The following MGAM2 variants were observed in gnomAD, a reference collection of about 807,000 sequenced individuals.
MGAM2 encodes probable maltase-glucoamylase 2.
MGAM2 carries 98 observed loss-of-function variants against 96.1 expected under a neutral mutation model. The observed-to-expected ratio is 1.02, with a 90% CI of 0.87 to 1.21. The LOEUF is 1.21. Ranked by LOEUF, MGAM2 falls within the 50% of genes most tolerant of loss-of-function variation. The probability of loss-of-function intolerance (pLI) is 0.00; values close to 1 mark genes in which losing one functional copy is unlikely to be tolerated. For missense variants in MGAM2, 2,055 were observed against 1,182.4 expected (o/e 1.74, Z -10.82); for synonymous variants, 749 against 414.8 (o/e 1.81, Z -9.79).
chr7:142,123,227 T>C (rs1275106821), intron 3 of MGAM2, among the ~76,000 whole-genome samples: 1 of 152,016 alleles, frequency 6.6e-6, no homozygotes, highest in Non-Finnish European at 1.5e-5. Context: ...AGTTTTCATC[T>C]AGAGATTTTT....
chr7:142,201,071 C>CTTTTTTTCTTTTT (rs1797209807), intron 45 of MGAM2, among the ~76,000 whole-genome samples: 1 of 84,382 alleles, frequency 1.2e-5, no homozygotes, highest in African/African-American at 5.3e-5. Context: ...CATCCTTTTT[C>CTTTTTTTCTTTTT]TTTTTTTTTT....
In MGAM2 at chr7:142,199,935, G is replaced by A; in HGVS notation, c.5104G>A (p.Gly1702Ser). 1 of 694,430 alleles carries A rather than the reference G, an allele frequency of 1.4e-6. No individual in the cohort carries two copies. Among genetic ancestry groups the A allele is most frequent in the Non-Finnish European group, 2.6e-6 (1 of 381,056 alleles). The allele number at this position is 694,430 out of a possible 1,614,324, so 43.0% of individuals were successfully genotyped here. A position where few individuals can be genotyped will look rare whatever the true frequency, so the allele number is the denominator to read the frequency against. Residue 1702 changes from glycine to serine, a missense_variant, in exon 45 of 48, where the codon GGC (glycine) becomes AGC (serine). By Grantham distance (56) the Gly-to-Ser change is moderately conservative. Coordinates refer to ENST00000477922, the MANE Select transcript of MGAM2 (RefSeq NM_001293626.2). The part of the protein sequence containing the change: ...VALDDNGTAE[G>S]QVFWDDGQSI... ...TTTGGATGACAATGGGACAGCTGAA[G>A]GCCAGGTGTTCTGGGATGATGGACA...
chr7:142,134,556 T>A (rs1794999755), intron 7 of MGAM2, among the ~76,000 whole-genome samples: 1 of 152,174 alleles, frequency 6.6e-6, no homozygotes, highest in Admixed American at 6.5e-5. Flanking sequence ...TTCATACTGT[T>A]CTAGGTGTTT....
At chr7:142,113,006 C>T (rs1192757312) in intron 1 of MGAM2, among the ~76,000 whole-genome samples, 1 of 152,166 alleles carries the variant, frequency 6.6e-6, no homozygotes, top group Admixed American at 6.5e-5. Context: ...TTCCTTACCT[C>T]TATTTCAATA....
intron 15 of MGAM2, among the ~76,000 whole-genome samples, chr7:142,149,371 C>A (rs571137049): frequency 6.6e-6 from 1 of 152,336 alleles, no homozygotes; most frequent in South Asian, 2.1e-4. Context: ...CTGGCCTCTT[C>A]TCTTTACAGT....
At chr7:142,139,810 A>T (rs1795167643) in intron 10 of MGAM2, among the ~76,000 whole-genome samples, 1 of 152,226 alleles carries the variant, frequency 6.6e-6, no homozygotes, top group South Asian at 2.1e-4. Flanking sequence ...CCTGTAAAAA[A>T]AAAAACAGAT....
chr7:142,199,952 T>C lies in MGAM2; in HGVS notation c.5121T>C (p.Asp1707=), dbSNP rs1391081704. ...NGTAEGQVFW[D]DGQSIDTYEN... ...CAGCTGAAGGCCAGGTGTTCTGGGA[T>C]GATGGACAAAGCATTGGTGAGTATA... The change falls in exon 45 of 48, where the codon GAT becomes GAC. Residue 1707 remains aspartate (D), a synonymous_variant. Transcript: ENST00000477922. 2.6e-5 allele frequency: 18 copies of C among 692,184 alleles called. No homozygotes were observed. The East Asian group carries it at 4.6e-4, about 18-fold the overall frequency. 42.9% of individuals were successfully genotyped at this position (692,184 alleles called of 1,614,324 possible). A position where few individuals can be genotyped will look rare whatever the true frequency, so the allele number is the denominator to read the frequency against.
At chr7:142,130,741 G>A (rs1470743766) in intron 3 of MGAM2, among the ~76,000 whole-genome samples, 34 of 152,150 alleles carry the variant, frequency 2.2e-4, no homozygotes, top group Admixed American at 2.2e-3. Context: ...TTATTTATCT[G>A]TATTATCAGT....
chr7:142,163,105 G>A (rs1403857332), intron 23 of MGAM2, among the ~76,000 whole-genome samples: 1 of 152,158 alleles, frequency 6.6e-6, no homozygotes, highest in African/African-American at 2.4e-5. Flanking sequence ...CAAGTTGTGT[G>A]TGACAACAGC....
chr7:142,116,065 G>T (rs1489298979), intron 1 of MGAM2, among the ~76,000 whole-genome samples: 1 of 152,112 alleles, frequency 6.6e-6, no homozygotes, highest in Non-Finnish European at 1.5e-5. Context: ...AATAATGTTA[G>T]ATTTACTATA....
chr7:142,118,059 T>G (rs1328688957), intron 2 of MGAM2, among the ~76,000 whole-genome samples: 1 of 152,158 alleles, frequency 6.6e-6, no homozygotes, highest in East Asian at 1.9e-4. Flanking sequence ...GATTTTTAAG[T>G]GTATAATACA....
At position 142,148,848 on chromosome 7, in the gene MGAM2, G is replaced by T. The variant is rs1380990732; in HGVS notation, c.1634+1275G>T. Reference sequence around the variant, plus strand: ...TGATGGGTTTATGGGGCCTGTCTCAGTCCTTTTCTTACTTGACTTCTCTTT... The same window carrying T: ...TGATGGGTTTATGGGGCCTGTCTCATTCCTTTTCTTACTTGACTTCTCTTT... On this transcript the variant is annotated intron_variant, in intron 15 of 47. Transcript: ENST00000477922. This position sits in a 1 kb window ranked among gnomAD's most constrained non-coding sequence, Gnocchi z 4.2. Among the ~76,000 whole-genome samples the T allele has an allele frequency of 6.6e-6, 1 of 152,116 alleles. No individual in the cohort carries two copies. The highest frequency in any genetic ancestry group is 1.5e-5 in the Non-Finnish European group (1 of 68,016).
chr7:142,160,628 G>A (rs1795859897), intron 21 of MGAM2, among the ~76,000 whole-genome samples: 1 of 151,442 alleles, frequency 6.6e-6, no homozygotes, highest in South Asian at 2.1e-4. Flanking sequence ...AACACCGTTT[G>A]GGGGTCAAGA....
intron 2 of MGAM2, among the ~76,000 whole-genome samples, chr7:142,118,816 T>C (rs999505969): frequency 1.3e-5 from 2 of 152,228 alleles, no homozygotes; most frequent in African/African-American, 4.8e-5. Flanking sequence ...GTTGGATCTC[T>C]ACCTGACAAC....
In MGAM2 at chr7:142,141,010, T is replaced by A. The variant is rs774457244; in HGVS notation, c.1219-11T>A. The A allele has an allele frequency of 7.9e-5, 55 of 694,356 alleles. No homozygotes were observed. Among genetic ancestry groups the A allele is most frequent in the Admixed American group, 3.9e-4 (19 of 48,442 alleles). 43.0% of individuals were successfully genotyped at this position (694,356 alleles called of 1,614,324 possible). Reference sequence around the variant, plus strand: ...TATGAAAATAATATTTATATCGTATTTCTTTATTAGAATCCTGGCATCTCC... The same window carrying A: ...TATGAAAATAATATTTATATCGTATATCTTTATTAGAATCCTGGCATCTCC... On this transcript the variant is annotated splice_polypyrimidine_tract_variant and intron_variant, in intron 11 of 47. Coordinates refer to ENST00000477922, the MANE Select transcript of MGAM2 (RefSeq NM_001293626.2).
chr7:142,147,813 A>T (rs1795433441), intron 15 of MGAM2, among the ~76,000 whole-genome samples: 1 of 152,186 alleles, frequency 6.6e-6, no homozygotes, highest in African/African-American at 2.4e-5. Flanking sequence ...AGCAGGCAAT[A>T]CTATGTAAGG....
rs760726577 is a variant in MGAM2 at position 142,131,553 on chromosome 7, T to A, written c.346T>A (p.Ser116Thr). The change falls in exon 5 of 48, where the codon TCT (serine) becomes ACT (threonine). Residue 116 changes from serine (S) to threonine (T), a missense_variant. Transcript: ENST00000477922. The part of the protein sequence containing the change: ...TAQLKRLPSP[S>T]LFGNDVATTL... ...CCAGTTGAAAAGGTTGCCATCACCA[T>A]CTCTGTTTGGAAATGATGTCGCCAC... is the stretch of plus-strand genomic sequence containing the variant. 1 of 702,850 alleles carries A rather than the reference T, an allele frequency of 1.4e-6. No homozygotes were observed. Among genetic ancestry groups the A allele is most frequent in the Non-Finnish European group, 2.6e-6 (1 of 384,946 alleles). 43.5% of individuals were successfully genotyped at this position (702,850 alleles called of 1,614,324 possible). A position where few individuals can be genotyped will look rare whatever the true frequency, so the allele number is the denominator to read the frequency against.
intron 10 of MGAM2, 126 bp downstream of exon 10, chr7:142,138,793 C>G: frequency 1.7e-6 from 1 of 594,068 alleles, no homozygotes; most frequent in Admixed American, 2.8e-5. Context: ...CACTTGCTGG[C>G]AGAAATTTGC....
chr7:142,215,261 T>C (rs1317495738), intron 46 of MGAM2, among the ~76,000 whole-genome samples: 1 of 151,916 alleles, frequency 6.6e-6, no homozygotes, highest in Non-Finnish European at 1.5e-5. Context: ...TGAGAACATA[T>C]GGGCACAGAG....
Sources: allele counts gnomAD v4.1 joint callset (sites outside exome capture counted in the v4.1 genomes callset), GRCh38; gene constraint gnomAD v4.1.1; non-coding constraint Gnocchi (gnomAD v3.1); transcripts MANE v1.5; gene names NCBI Gene and HGNC (gene_info 2026-07-23, HGNC 2026-07-21).